CYTIP: variants seen among roughly 807,000 people sequenced by gnomAD.
CYTIP encodes the protein cytohesin 1 interacting protein.
Under a neutral mutation model 43.8 loss-of-function variants are expected in CYTIP, and 26 were observed. The ratio of observed to expected loss-of-function variants is 0.59; its 90% CI spans 0.44 to 0.82. CYTIP has a LOEUF of 0.82. CYTIP is among the 40% of genes least tolerant of loss of function. The probability of loss-of-function intolerance (pLI) is 0.00; values close to 1 mark genes in which losing one functional copy is unlikely to be tolerated. For synonymous variants in CYTIP, 162 were observed against 162.9 expected, an observed-to-expected ratio of 0.99 and a Z score of 0.04; for missense variants, 426 against 443.1, an observed-to-expected ratio of 0.96 and a Z score of 0.35.
At chr2:157,416,398 CAA>C (rs2105130355) in intron 7 of CYTIP, among the ~76,000 whole-genome samples, 1 of 152,260 alleles carries the variant, frequency 6.6e-6, no homozygotes, top group East Asian at 1.9e-4. Context: ...TAAATTTAAA[CAA>C]GATGTTTCAT....
intron 1 of CYTIP, 63 bp from the exon 2 acceptor site, chr2:157,434,810 AAATC>A: frequency 1.2e-6 from 1 of 869,108 alleles, no homozygotes; most frequent in South Asian, 1.4e-5. Flanking sequence ...AAAATGTTCT[AAATC>A]TCTCTCTCTC....
chr2:157,439,128 G>A (rs763390344), intron 1 of CYTIP: 1 of 167,120 alleles, frequency 6.0e-6, no homozygotes, highest in African/African-American at 2.4e-5. Context: ...CAGATTTTCA[G>A]TTCCTGTGGA....
intron 6 of CYTIP, among the ~76,000 whole-genome samples, chr2:157,420,540 A>T (rs889012701): frequency 4.7e-5 from 7 of 150,426 alleles, no homozygotes; most frequent in African/African-American, 1.5e-4. Flanking sequence ...TAATTTTTTT[A>T]AAAAAGAGGC....
intron 6 of CYTIP, among the ~76,000 whole-genome samples, chr2:157,423,673 C>A (rs1391833384): frequency 6.6e-6 from 1 of 151,834 alleles, no homozygotes; most frequent in Non-Finnish European, 1.5e-5. Context: ...AAAAGATAAT[C>A]TAAGAAAATA....
chr2:157,436,578 G>C (rs1402135706), intron 1 of CYTIP, among the ~76,000 whole-genome samples: 1 of 151,462 alleles, frequency 6.6e-6, no homozygotes, highest in East Asian at 1.9e-4. Context: ...TCCATATAGA[G>C]AGAGCTATAT....
chr2:157,443,925 G>T lies in CYTIP; in HGVS notation c.96C>A (p.Gly32=), dbSNP rs1311370060. Reference sequence around the variant, plus strand: ...TTCTATTATCGTCCATCGTAAGGCTGCCGGTGAGTGTGGAGTAAGAGCTAT... The same window carrying T: ...TTCTATTATCGTCCATCGTAAGGCTTCCGGTGAGTGTGGAGTAAGAGCTAT... ...PAYSSYSTLT[G]SLTMDDNRRI... is the part of the protein sequence containing the mutation. The change falls in exon 1 of 8, where the codon GGC becomes GGA. Residue 32 remains glycine, a synonymous_variant. Transcript: ENST00000264192. 6.2e-7 allele frequency: 1 copy of T among 1,614,152 alleles called. No homozygotes were observed. Among genetic ancestry groups the T allele is most frequent in the South Asian group, 1.1e-5 (1 of 91,082 alleles).
intron 1 of CYTIP, among the ~76,000 whole-genome samples, chr2:157,442,421 T>C (rs1477587798): frequency 6.8e-6 from 1 of 147,634 alleles, no homozygotes; most frequent in African/African-American, 2.5e-5. Flanking sequence ...ATGGAGGACA[T>C]AGAGGGTGGA....
intron 6 of CYTIP, among the ~76,000 whole-genome samples, chr2:157,422,170 C>T (rs1420694461): frequency 2.0e-5 from 3 of 152,130 alleles, no homozygotes; most frequent in African/African-American, 7.2e-5. Context: ...GGCACGGAAG[C>T]CCCCAGACCT....
At chr2:157,441,269 C>A (rs982355960) in intron 1 of CYTIP, among the ~76,000 whole-genome samples, 3 of 152,028 alleles carry the variant, frequency 2.0e-5, no homozygotes, top group Admixed American at 6.5e-5. Context: ...TTAGTCAGTG[C>A]CAAATGGGTG....
rs1685417070 is a variant in CYTIP, at chr2:157,414,958, T to C, written c.*719A>G. On this transcript the variant is annotated 3_prime_UTR_variant, in exon 8 of 8. Transcript: ENST00000264192. ...GATTCGGAGAGTTCTAGACTTGCCA[T>C]TAATGTTCAGGCAGAACAAAAGCTG... 6.6e-6 allele frequency: 1 copy of C among 152,230 alleles called. No individual in the cohort carries two copies. Among genetic ancestry groups the C allele is most frequent in the South Asian group, 2.1e-4 (1 of 4,828 alleles). 9.4% of individuals were successfully genotyped at this position (152,230 alleles called of 1,614,324 possible).
rs560476554 is a variant in CYTIP at position 157,440,544 on chromosome 2, C to T, written c.174+3303G>A. Among the ~76,000 whole-genome samples, 239 of 152,272 alleles carry T rather than the reference C, an allele frequency of 1.6e-3. 2 individuals are homozygous for T. Among genetic ancestry groups the T allele is most frequent in the Non-Finnish European group, 2.2e-3 (147 of 68,016 alleles). On this transcript the variant is annotated intron_variant, in intron 1 of 7. Coordinates refer to ENST00000264192, the MANE Select transcript of CYTIP (RefSeq NM_004288.5). ...TGTAGTTCAGGACAATTGGGAGTTA[C>T]GGCACCTGATGGGTGTGCTGCCGGA...
Position 157,416,060 on chromosome 2 carries a change from C to G in CYTIP, c.697G>C (p.Ala233Pro). Residue 233 changes from alanine to proline, a missense_variant, in exon 8 of 8, where the codon GCC (alanine) becomes CCC (proline). Transcript: ENST00000264192. ...GATAATCGATTCCGGTCCACAAGGGCTGGGCCTGGCCCAGGCAGGGGTCCA... is the reference window on the plus strand; with the variant it reads ...GATAATCGATTCCGGTCCACAAGGGGTGGGCCTGGCCCAGGCAGGGGTCCA... ...LFGPLPGPGP[A>P]LVDRNRLSSE... The G allele has an allele frequency of 6.2e-7, 1 of 1,614,202 alleles. No individual in the cohort carries two copies. Among genetic ancestry groups the G allele is most frequent in the Non-Finnish European group, 8.5e-7 (1 of 1,180,030 alleles).
chr2:157,433,374 T>A (rs756478618), intron 3 of CYTIP, among the ~76,000 whole-genome samples: 1 of 152,210 alleles, frequency 6.6e-6, no homozygotes, highest in Non-Finnish European at 1.5e-5. Flanking sequence ...TCTGTCTTCA[T>A]TGCAGCTAAA....
intron 6 of CYTIP, among the ~76,000 whole-genome samples, chr2:157,426,669 T>G (rs1685612632): frequency 1.3e-5 from 2 of 152,154 alleles, no homozygotes; most frequent in African/African-American, 4.8e-5. Context: ...CAGAGGTCAC[T>G]GAGACAAACA....
chr2:157,429,090 C>A (rs1359571861), intron 5 of CYTIP, among the ~76,000 whole-genome samples: 1 of 152,192 alleles, frequency 6.6e-6, no homozygotes, highest in Non-Finnish European at 1.5e-5. Flanking sequence ...ATAAATGACA[C>A]AATATATGAC....
intron 1 of CYTIP, among the ~76,000 whole-genome samples, chr2:157,441,639 C>T (rs891861414): frequency 1.1e-4 from 16 of 140,528 alleles, no homozygotes; most frequent in Admixed American, 7.9e-4. Flanking sequence ...CACACACACA[C>T]GTGTATTTCA....
intron 5 of CYTIP, among the ~76,000 whole-genome samples, chr2:157,429,306 T>TA (rs1685660827): frequency 1.3e-5 from 2 of 152,232 alleles, no homozygotes; most frequent in Admixed American, 1.3e-4. Context: ...GAAGTGCTCT[T>TA]ACGAGGAGTT....
intron 1 of CYTIP, among the ~76,000 whole-genome samples, chr2:157,440,347 G>A (rs1221749899): frequency 6.6e-6 from 1 of 152,110 alleles, no homozygotes; most frequent in Non-Finnish European, 1.5e-5. Context: ...ATACAATACC[G>A]CCATTTCCAA....
chr2:157,429,642 A>G (rs186661221), intron 5 of CYTIP, among the ~76,000 whole-genome samples: 169 of 152,322 alleles, frequency 1.1e-3, no homozygotes, highest in Middle Eastern at 3.4e-3. Context: ...TTCATCATTT[A>G]ACTATCCTAA....
Sources: gnomAD v4.1 joint callset for allele counts (sites outside exome capture counted in the v4.1 genomes callset) on GRCh38, gnomAD v4.1.1 for gene constraint, MANE v1.5 for transcripts, NCBI Gene and HGNC (gene_info 2026-07-23, HGNC 2026-07-21) for gene names.